The following RBFOX1 variants were observed in gnomAD, a reference collection of about 807,000 sequenced individuals.
RBFOX1 encodes RNA binding fox-1 homolog 1, also known as RNA binding protein fox-1 homolog 1.
A neutral mutation model predicts 57.7 loss-of-function variants in RBFOX1; 8 were observed. That is an observed-to-expected ratio of 0.14 (90% CI 0.08 to 0.25). The LOEUF is 0.25. Ranked by LOEUF, RBFOX1 falls within the 10% of genes least tolerant of loss-of-function variation. RBFOX1 has a pLI of 1.00. For synonymous variants in RBFOX1, 326 were observed against 222.4 expected, an observed-to-expected ratio of 1.47 and a Z score of -4.15; for missense variants, 611 against 548.5, an observed-to-expected ratio of 1.11 and a Z score of -1.14.
At chr16:5,443,411 C>G (rs955272440) in intron 1 of RBFOX1, among the ~76,000 whole-genome samples, 12 of 152,308 alleles carry the variant, frequency 7.9e-5, no homozygotes, top group Non-Finnish European at 1.8e-4. Context: ...GATCTTGGCT[C>G]ACTGCAACCT....
chr16:7,648,434 A>G (rs148412207), intron 11 of RBFOX1, among the ~76,000 whole-genome samples: 1,903 of 152,228 alleles, frequency 0.013, 33 homozygotes, highest in South Asian at 0.098. Context: ...CATGTTTCCC[A>G]GGATGATCTT....
intron 1 of RBFOX1, among the ~76,000 whole-genome samples, chr16:5,437,423 C>G (rs1012615129): frequency 6.6e-6 from 1 of 152,258 alleles, no homozygotes; most frequent in East Asian, 1.9e-4. Flanking sequence ...GAAATTCTCA[C>G]AAGGAAATCA....
chr16:7,209,302 T>C (rs922657501), intron 4 of RBFOX1, among the ~76,000 whole-genome samples: 5 of 152,040 alleles, frequency 3.3e-5, no homozygotes, highest in Non-Finnish European at 5.9e-5. Context: ...GCCATTGCAT[T>C]CCAGCGTAGG....
chr16:7,018,658 G>T (rs916625054), intron 3 of RBFOX1, among the ~76,000 whole-genome samples: 2 of 152,036 alleles, frequency 1.3e-5, no homozygotes, highest in Non-Finnish European at 2.9e-5. Context: ...GCCACACTGT[G>T]TTCCACAACA....
At chr16:7,695,125 T>A (rs1289463357) in intron 14 of RBFOX1, among the ~76,000 whole-genome samples, 1 of 152,222 alleles carries the variant, frequency 6.6e-6, no homozygotes, top group Admixed American at 6.5e-5. Context: ...AATGAATTGC[T>A]ATTGATCACA....
chr16:7,029,130 A>G (rs1211138839), intron 3 of RBFOX1, among the ~76,000 whole-genome samples: 2 of 64,406 alleles, frequency 3.1e-5, no homozygotes, highest in African/African-American at 1.7e-4. Context: ...ACATATACGT[A>G]TATATATATG....
At chr16:6,511,888 C>T (rs1344747279) in intron 2 of RBFOX1, among the ~76,000 whole-genome samples, 2 of 152,122 alleles carry the variant, frequency 1.3e-5, no homozygotes, top group Admixed American at 6.6e-5. Context: ...GCCTGTGCAG[C>T]TCTTTGTAGG....
At chr16:7,117,822 G>C (rs528565178) in intron 4 of RBFOX1, among the ~76,000 whole-genome samples, 3 of 152,140 alleles carry the variant, frequency 2.0e-5, no homozygotes, top group African/African-American at 7.2e-5. Context: ...ATCTCGAACA[G>C]GATCTGCTTT....
chr16:5,547,723 C>G (rs1180882769), intron 2 of RBFOX1, among the ~76,000 whole-genome samples: 2 of 152,124 alleles, frequency 1.3e-5, no homozygotes, highest in African/African-American at 4.8e-5. Flanking sequence ...CGTATCAAAG[C>G]ACAAAAATCA....
At chr16:6,496,917 G>A (rs978287938) in intron 2 of RBFOX1, among the ~76,000 whole-genome samples, 4 of 152,022 alleles carry the variant, frequency 2.6e-5, no homozygotes, top group African/African-American at 7.2e-5. Context: ...CCGAGACTAC[G>A]CCATTGCACT....
At chr16:5,860,473 A>G (rs1487690632) in intron 3 of RBFOX1, among the ~76,000 whole-genome samples, 1 of 152,204 alleles carries the variant, frequency 6.6e-6, no homozygotes, top group Non-Finnish European at 1.5e-5. Flanking sequence ...GAGTTGACTC[A>G]GTTTGTTTAA....
intron 4 of RBFOX1, among the ~76,000 whole-genome samples, chr16:7,472,754 T>G (rs1249659789): frequency 2.6e-5 from 4 of 152,180 alleles, no homozygotes; most frequent in Non-Finnish European, 1.5e-5. Context: ...TGTGGCAAAA[T>G]TGTTTCACTA....
At chr16:6,482,967 T>C (rs2153099533) in intron 2 of RBFOX1, among the ~76,000 whole-genome samples, 1 of 152,342 alleles carries the variant, frequency 6.6e-6, no homozygotes, top group Non-Finnish European at 1.5e-5. Flanking sequence ...CAAGGTGCCC[T>C]ATTCTGTCAT....
At chr16:7,355,574 A>T (rs574646387) in intron 4 of RBFOX1, among the ~76,000 whole-genome samples, 10 of 152,152 alleles carry the variant, frequency 6.6e-5, no homozygotes, top group Non-Finnish European at 1.3e-4. Flanking sequence ...GATTTTGCTC[A>T]TTGCTTTTAT....
chr16:6,784,210 A>C (rs920378582), intron 3 of RBFOX1, among the ~76,000 whole-genome samples: 4 of 152,020 alleles, frequency 2.6e-5, no homozygotes, highest in African/African-American at 9.7e-5. Context: ...TTTCTATCCC[A>C]ATCTCTTTCT....
At chr16:6,739,038 C>G (rs569694188) in intron 3 of RBFOX1, among the ~76,000 whole-genome samples, 4 of 151,858 alleles carry the variant, frequency 2.6e-5, no homozygotes, top group Non-Finnish European at 4.4e-5. Flanking sequence ...TTAAAAATGA[C>G]AATTCTAAAA....
chr16:6,914,803 G>A (rs560075839), intron 3 of RBFOX1, among the ~76,000 whole-genome samples: 44 of 152,274 alleles, frequency 2.9e-4, no homozygotes, highest in African/African-American at 3.6e-4. Context: ...CAACAAGATC[G>A]CTGAAGCCCA....
chr16:7,050,858 A>AT (rs978767968), intron 3 of RBFOX1, among the ~76,000 whole-genome samples: 1 of 151,906 alleles, frequency 6.6e-6, no homozygotes, highest in African/African-American at 2.4e-5. Flanking sequence ...GCCTCTGCAT[A>AT]TTTTTTTAAG....
chr16:6,961,145 C>CACACACACACACACA (rs142889433), intron 3 of RBFOX1, among the ~76,000 whole-genome samples: 2,397 of 143,616 alleles, frequency 0.017, 107 homozygotes, highest in African/African-American at 0.051. Flanking sequence ...TCACACACAC[C>CACACACACACACACA]CACACAGACA....
Sources: gnomAD v4.1 joint callset for allele counts (sites outside exome capture counted in the v4.1 genomes callset) on GRCh38, gnomAD v4.1.1 for gene constraint, MANE v1.5 for transcripts, NCBI Gene and HGNC (gene_info 2026-07-23, HGNC 2026-07-21) for gene names.